The following ZNF536 variants were observed in gnomAD, a reference collection of about 807,000 sequenced individuals.
The protein encoded by ZNF536 is zinc finger protein 536.
In ZNF536, 13 loss-of-function variants were observed where a neutral mutation model predicts 84.5. The ratio of observed to expected loss-of-function variants is 0.15; its 90% CI spans 0.10 to 0.24. The LOEUF (loss-of-function observed/expected upper bound fraction) is 0.24, where lower values mean the gene tolerates loss of function less well. Ranked by LOEUF, ZNF536 falls within the 10% of genes least tolerant of loss-of-function variation. ZNF536 has a pLI of 1.00. For missense variants in ZNF536, 1,536 were observed against 1,747.5 expected (o/e 0.88, Z 2.16); for synonymous variants, 811 against 742.5 (o/e 1.09, Z -1.50).
intron 4 of ZNF536, among the ~76,000 whole-genome samples, chr19:30,553,665 C>T (rs981101001): frequency 1.3e-5 from 2 of 152,194 alleles, no homozygotes; most frequent in African/African-American, 4.8e-5. Context: ...GAACTGGTAG[C>T]ATCTGTAAGC....
intron 2 of ZNF536, among the ~76,000 whole-genome samples, chr19:30,478,424 G>GAGGAGCTCTGATCTT (rs2053939760): frequency 6.6e-6 from 1 of 152,002 alleles, no homozygotes; most frequent in African/African-American, 2.4e-5. Flanking sequence ...TTCAGAGCCT[G>GAGGAGCTCTGATCTT]AGGAGCTCTG....
chr19:30,644,228 T>C (rs1268132685), intron 1 of ZNF536, among the ~76,000 whole-genome samples: 1 of 152,212 alleles, frequency 6.6e-6, no homozygotes, highest in Non-Finnish European at 1.5e-5. Flanking sequence ...TTTCTCTTTA[T>C]ATGTATATTT....
At chr19:30,375,936 G>GT (rs1271891246) in intron 1 of ZNF536, among the ~76,000 whole-genome samples, 2 of 152,162 alleles carry the variant, frequency 1.3e-5, no homozygotes, top group Admixed American at 1.3e-4. Flanking sequence ...GTGTGCTCAT[G>GT]TGCCTGTGCA....
intron 1 of ZNF536, among the ~76,000 whole-genome samples, chr19:30,396,581 G>A (rs1367709089): frequency 7.0e-6 from 1 of 141,876 alleles, no homozygotes; most frequent in Non-Finnish European, 1.5e-5. Flanking sequence ...TTTGCTATGA[G>A]AGGGCTCTCT....
rs1327374584 is a variant in ZNF536, at chr19:30,228,757, C to T, written c.-190+84C>T. On this transcript the variant is annotated intron_variant, in intron 1 of 5. Coordinates refer to the ZNF536 transcript ENST00000585628. This position sits in a 1 kb window ranked among gnomAD's most constrained non-coding sequence, Gnocchi z 4.5. Reference sequence around the variant, plus strand: ...AGGTGCCGCGAGCTGCGCGCCGCCCCGGGCCGGCCTCGCGTGTGGGCGGCT... The same window carrying T: ...AGGTGCCGCGAGCTGCGCGCCGCCCTGGGCCGGCCTCGCGTGTGGGCGGCT... The T allele has an allele frequency of 1.3e-5, 2 of 150,984 alleles. No individual in the cohort carries two copies. Among genetic ancestry groups the T allele is most frequent in the African/African-American group, 2.4e-5 (1 of 41,204 alleles). The allele number at this position is 150,984 out of a possible 1,614,324, so 9.4% of individuals were successfully genotyped here.
chr19:30,407,695 A>G (rs2050319383), intron 1 of ZNF536, among the ~76,000 whole-genome samples: 1 of 152,150 alleles, frequency 6.6e-6, no homozygotes, highest in Non-Finnish European at 1.5e-5. Context: ...TTATGCATAT[A>G]TATTCTCTCT....
At chr19:30,477,916 G>C (rs1007165597) in intron 2 of ZNF536, among the ~76,000 whole-genome samples, 1 of 152,150 alleles carries the variant, frequency 6.6e-6, no homozygotes, top group Non-Finnish European at 1.5e-5. Context: ...ATAAAAATCT[G>C]TCTGCTTTCT....
chr19:30,449,232 A>G (rs2052487896), intron 2 of ZNF536, among the ~76,000 whole-genome samples: 1 of 152,216 alleles, frequency 6.6e-6, no homozygotes, highest in South Asian at 2.1e-4. Context: ...ATGTCATTCA[A>G]TGTAGCCTCC....
chr19:30,570,075 T>A (rs2046490021), intron 1 of ZNF536, among the ~76,000 whole-genome samples: 1 of 152,084 alleles, frequency 6.6e-6, no homozygotes, highest in African/African-American at 2.4e-5. Flanking sequence ...CTACCACAAT[T>A]ATCTATCCCC....
intron 1 of ZNF536, among the ~76,000 whole-genome samples, chr19:30,706,708 C>G (rs2052246619): frequency 6.6e-6 from 1 of 152,038 alleles, no homozygotes; most frequent in Non-Finnish European, 1.5e-5. Context: ...GAGTTCTTTA[C>G]TCGAAAGACT....
chr19:30,544,458 G>A (rs1383057414), intron 3 of ZNF536, among the ~76,000 whole-genome samples: 1 of 152,122 alleles, frequency 6.6e-6, no homozygotes, highest in East Asian at 1.9e-4. Flanking sequence ...GAGCAGTGAG[G>A]GCCAAGGCCT....
intron 4 of ZNF536, chr19:30,555,916 A>G (rs991307743): frequency 1.3e-5 from 2 of 152,236 alleles, no homozygotes; most frequent in African/African-American, 4.8e-5. Context: ...AGCCAGCACA[A>G]GAAGGCAATT....
chr19:30,677,856 A>C (rs2147791487), intron 1 of ZNF536, among the ~76,000 whole-genome samples: 1 of 152,076 alleles, frequency 6.6e-6, no homozygotes, highest in South Asian at 2.1e-4. Flanking sequence ...CCTGAATGGG[A>C]GTCTCTGCCC....
At chr19:30,623,745 C>T (rs1568612890) in intron 1 of ZNF536, among the ~76,000 whole-genome samples, 2 of 152,218 alleles carry the variant, frequency 1.3e-5, no homozygotes, top group Admixed American at 6.5e-5. Context: ...CCTCTTTCTG[C>T]TTAGTTTGTC....
chr19:30,589,982 A>G (rs2047221011), intron 1 of ZNF536, among the ~76,000 whole-genome samples: 1 of 152,194 alleles, frequency 6.6e-6, no homozygotes, highest in African/African-American at 2.4e-5. Context: ...TCATCTTTAA[A>G]GATAGTAAAA....
intron 1 of ZNF536, among the ~76,000 whole-genome samples, chr19:30,270,087 A>C (rs1023957401): frequency 6.6e-6 from 1 of 151,940 alleles, no homozygotes; most frequent in African/African-American, 2.4e-5. Context: ...AGGTGCACAC[A>C]CCCCCACACT....
At chr19:30,598,086 G>A (rs190605942) in intron 1 of ZNF536, among the ~76,000 whole-genome samples, 57 of 152,292 alleles carry the variant, frequency 3.7e-4, no homozygotes, top group Non-Finnish European at 5.9e-5. Context: ...GAGTAGGCAT[G>A]CATCGTGAAT....
chr19:30,281,744 C>A (rs1332177398), intron 1 of ZNF536, among the ~76,000 whole-genome samples: 1 of 152,114 alleles, frequency 6.6e-6, no homozygotes, highest in Non-Finnish European at 1.5e-5. Flanking sequence ...TGTGGAGGTT[C>A]CCTTATTTTG....
chr19:30,350,955 A>C (rs2047911894), intron 2 of ZNF536, among the ~76,000 whole-genome samples: 1 of 152,208 alleles, frequency 6.6e-6, no homozygotes, highest in Admixed American at 6.5e-5. Flanking sequence ...GTGGGGCATT[A>C]ATACATTATC....
Sources: gnomAD v4.1 joint callset for allele counts (sites outside exome capture counted in the v4.1 genomes callset) on GRCh38, gnomAD v4.1.1 for gene constraint, Gnocchi (gnomAD v3.1) non-coding constraint, MANE v1.5 for transcripts, NCBI Gene and HGNC (gene_info 2026-07-23, HGNC 2026-07-21) for gene names.